The following CDH13 variants were observed in gnomAD, a reference collection of about 807,000 sequenced individuals.
The protein encoded by CDH13 is cadherin-13.
Under a neutral mutation model 63.8 loss-of-function variants are expected in CDH13, and 24 were observed. The observed-to-expected ratio is 0.38, with a 90% CI of 0.27 to 0.53. CDH13 has a LOEUF of 0.53. Among genes scored for constraint, CDH13 ranks in the 20% least tolerant of loss-of-function variants. The pLI, the probability that CDH13 is intolerant of heterozygous loss-of-function variation, is 0.85. For missense variants in CDH13, 1,049 were observed against 903.1 expected (o/e 1.16, Z -2.07); for synonymous variants, 503 against 355.3 (o/e 1.42, Z -4.67).
At chr16:83,380,839 T>G (rs1430211144) in intron 6 of CDH13, among the ~76,000 whole-genome samples, 1 of 151,966 alleles carries the variant, frequency 6.6e-6, no homozygotes. Flanking sequence ...AGGTTTTTTT[T>G]TTTTTTTCCT....
At chr16:82,939,453 G>A (rs1463942986) in intron 2 of CDH13, among the ~76,000 whole-genome samples, 2 of 148,932 alleles carry the variant, frequency 1.3e-5, no homozygotes, top group Non-Finnish European at 3.0e-5. Context: ...GAGCAAGGGA[G>A]AGGGAGGGAG....
chr16:82,831,657 TTA>T (rs2038548024), intron 1 of CDH13, among the ~76,000 whole-genome samples: 1 of 152,206 alleles, frequency 6.6e-6, no homozygotes, highest in South Asian at 2.1e-4. Context: ...GTCATTTCAC[TTA>T]TGAGACAGAA....
intron 2 of CDH13, among the ~76,000 whole-genome samples, chr16:82,929,478 C>G (rs942385831): frequency 3.3e-5 from 5 of 151,094 alleles, no homozygotes; most frequent in Non-Finnish European, 7.4e-5. Context: ...GGTGAAACCC[C>G]GTCTCTACTA....
chr16:83,775,420 C>T (rs1273085159), intron 11 of CDH13, among the ~76,000 whole-genome samples: 3 of 149,398 alleles, frequency 2.0e-5, no homozygotes, highest in Non-Finnish European at 2.9e-5. Flanking sequence ...GCAGTCCTTA[C>T]AGCTCCTAAC....
chr16:83,173,009 T>C (rs1163902897), intron 4 of CDH13, among the ~76,000 whole-genome samples: 4 of 152,152 alleles, frequency 2.6e-5, no homozygotes, highest in Non-Finnish European at 4.4e-5. Context: ...ATGCGTTGTT[T>C]TGCTTGGATG....
intron 4 of CDH13, among the ~76,000 whole-genome samples, chr16:83,215,501 GAA>G (rs59699629): frequency 5.3e-4 from 79 of 148,142 alleles, no homozygotes; most frequent in East Asian, 2.9e-3. Flanking sequence ...TTTTTAATCG[GAA>G]AAAAAAAAAA....
At chr16:83,356,213 T>TGTGTGG (rs2091052203) in intron 6 of CDH13, among the ~76,000 whole-genome samples, 1 of 1,826 alleles carries the variant, frequency 5.5e-4, no homozygotes, top group Non-Finnish European at 1.3e-3. Flanking sequence ...TTTATTTTCA[T>TGTGTGG]GTGTGTGTGT....
At chr16:83,401,776 A>G (rs2091971785) in intron 6 of CDH13, among the ~76,000 whole-genome samples, 1 of 152,208 alleles carries the variant, frequency 6.6e-6, no homozygotes, top group Non-Finnish European at 1.5e-5. Flanking sequence ...TCAACAAAGA[A>G]TTATCTCATT....
intron 2 of CDH13, among the ~76,000 whole-genome samples, chr16:82,869,603 C>G (rs2040273633): frequency 6.6e-6 from 1 of 152,070 alleles, no homozygotes; most frequent in African/African-American, 2.4e-5. Context: ...GCTATAGTAA[C>G]TAAAACAGTG....
chr16:83,006,624 C>G (rs9934506), intron 2 of CDH13, among the ~76,000 whole-genome samples: 65,146 of 151,858 alleles, frequency 0.43, 14,276 homozygotes, highest in Non-Finnish European at 0.47. Context: ...CCACTGGTTT[C>G]CCTCTGATAG....
chr16:82,968,080 C>A (rs1248483190), intron 2 of CDH13, among the ~76,000 whole-genome samples: 2 of 152,190 alleles, frequency 1.3e-5, no homozygotes, highest in Non-Finnish European at 2.9e-5. Context: ...TAAGGAAAAG[C>A]TCCCCCCAAC....
chr16:83,123,934 A>T (rs8053699), intron 3 of CDH13, among the ~76,000 whole-genome samples: 3,763 of 152,182 alleles, frequency 0.025, 163 homozygotes, highest in African/African-American at 0.084. Flanking sequence ...TGTCGTTTCA[A>T]TTTGCATTTC....
chr16:83,518,575 G>A (rs1172842963), intron 7 of CDH13, among the ~76,000 whole-genome samples: 2 of 146,874 alleles, frequency 1.4e-5, no homozygotes, highest in Admixed American at 6.7e-5. Context: ...CGGGTTCACG[G>A]CATTCTCCTG....
chr16:83,557,736 G>C (rs115019496), intron 7 of CDH13, among the ~76,000 whole-genome samples: 1 of 151,986 alleles, frequency 6.6e-6, no homozygotes, highest in African/African-American at 2.4e-5. Flanking sequence ...CTGTTACTTG[G>C]TTGGTACCTT....
chr16:82,770,495 A>G (rs558850801), intron 1 of CDH13, among the ~76,000 whole-genome samples: 68 of 152,328 alleles, frequency 4.5e-4, no homozygotes, highest in African/African-American at 1.5e-3. Context: ...TGACTCATCA[A>G]AAATCATATA....
intron 4 of CDH13, among the ~76,000 whole-genome samples, chr16:83,186,361 T>G (rs1272441835): frequency 6.6e-6 from 1 of 151,872 alleles, no homozygotes; most frequent in Non-Finnish European, 1.5e-5. Flanking sequence ...AGGGTCTCAA[T>G]CTCTTGACCT....
At chr16:83,146,857 GCAGA>G (rs996895866) in intron 4 of CDH13, among the ~76,000 whole-genome samples, 11 of 152,216 alleles carry the variant, frequency 7.2e-5, no homozygotes, top group African/African-American at 2.2e-4. Context: ...GAAGGCCAAG[GCAGA>G]CAGATTCCTT....
At chr16:82,879,277 G>A (rs773145439) in intron 2 of CDH13, among the ~76,000 whole-genome samples, 14 of 151,798 alleles carry the variant, frequency 9.2e-5, no homozygotes, top group Non-Finnish European at 1.6e-4. Flanking sequence ...CTGCACTTTA[G>A]GTTTCTTTTT....
intron 4 of CDH13, among the ~76,000 whole-genome samples, chr16:83,143,570 T>A (rs1485284661): frequency 6.6e-6 from 1 of 152,218 alleles, no homozygotes; most frequent in South Asian, 2.1e-4. Flanking sequence ...TATACACTAG[T>A]TCCTTATCTT....
Sources: allele counts gnomAD v4.1 joint callset (sites outside exome capture counted in the v4.1 genomes callset), GRCh38; gene constraint gnomAD v4.1.1; transcripts MANE v1.5; gene names NCBI Gene and HGNC (gene_info 2026-07-23, HGNC 2026-07-21).